Variants in VWA8 observed in about 807,000 individuals in gnomAD.
VWA8 encodes von Willebrand factor A domain-containing protein 8.
A neutral mutation model predicts 241.5 loss-of-function variants in VWA8; 221 were observed. The observed-to-expected ratio is 0.91, with a 90% CI of 0.82 to 1.02. The LOEUF is 1.02. VWA8 is among the 50% of genes least tolerant of loss of function. The pLI is 0.00. For missense variants in VWA8, 2,322 were observed against 2,328.7 expected, an observed-to-expected ratio of 1.00 and a Z score of 0.06; for synonymous variants, 852 against 827.1, an observed-to-expected ratio of 1.03 and a Z score of -0.52.
At chr13:41,715,024 A>T (rs9566829) in intron 26 of VWA8, among the ~76,000 whole-genome samples, 48,453 of 151,668 alleles carry the variant, frequency 0.32, 8,831 homozygotes, top group Non-Finnish European at 0.42. Flanking sequence ...TTAATATTAC[A>T]TATAGCCCAG....
In VWA8 at chr13:41,729,567, T is replaced by C; in HGVS notation, c.2613A>G (p.Leu871=). The C allele has an allele frequency of 6.2e-7, 1 of 1,612,626 alleles. No homozygotes were observed. Among genetic ancestry groups the C allele is most frequent in the Non-Finnish European group, 8.5e-7 (1 of 1,179,344 alleles). ...TTGCAACAATGCGTCTTCCATCTGCTAGAATCATTTCTCCATTTTCTACTA... is the reference window on the plus strand; with the variant it reads ...TTGCAACAATGCGTCTTCCATCTGCCAGAATCATTTCTCCATTTTCTACTA... The part of the protein sequence containing the change: ...KTLVENGEMI[L]ADGRRIVANS... Residue 871 remains leucine, a synonymous_variant, in exon 23 of 45, where the codon CTA becomes CTG. Coordinates refer to ENST00000379310, the MANE Select transcript of VWA8 (RefSeq NM_015058.2).
intron 1 of VWA8, among the ~76,000 whole-genome samples, chr13:41,959,879 A>ATT (rs1425127392): frequency 6.6e-6 from 1 of 152,134 alleles, no homozygotes; most frequent in Non-Finnish European, 1.5e-5. Flanking sequence ...AAGTGCTGGG[A>ATT]TTACAGGCGT....
chr13:41,604,525 C>T (rs1373016616), intron 40 of VWA8, among the ~76,000 whole-genome samples: 3 of 151,698 alleles, frequency 2.0e-5, no homozygotes, highest in Non-Finnish European at 2.9e-5. Context: ...TTCTAATCCC[C>T]AATACTTAGC....
chr13:41,748,639 T>C (rs2045629110), intron 21 of VWA8, among the ~76,000 whole-genome samples: 1 of 152,202 alleles, frequency 6.6e-6, no homozygotes, highest in Non-Finnish European at 1.5e-5. Flanking sequence ...TGCCTTCTGA[T>C]GGTACTGGTA....
At chr13:41,702,780 A>C (rs552205580) in intron 27 of VWA8, among the ~76,000 whole-genome samples, 9 of 152,332 alleles carry the variant, frequency 5.9e-5, no homozygotes, top group Non-Finnish European at 1.3e-4. Flanking sequence ...CAGGGATGAC[A>C]GCAGAAGCAG....
intron 32 of VWA8, 79 bp downstream of exon 32, chr13:41,691,241 A>AACAGT: frequency 2.7e-6 from 4 of 1,497,494 alleles, no homozygotes; most frequent in Non-Finnish European, 3.6e-6. Context: ...GGAAAGACAG[A>AACAGT]ACAGTAAAGA....
intron 43 of VWA8, among the ~76,000 whole-genome samples, chr13:41,573,356 C>T (rs1384478169): frequency 4.7e-5 from 7 of 149,006 alleles, no homozygotes; most frequent in Admixed American, 6.7e-5. Context: ...AGGAGGAGGT[C>T]GTAGCGGGCC....
At chr13:41,781,892 T>G (rs1868903399) in intron 19 of VWA8, among the ~76,000 whole-genome samples, 1 of 152,180 alleles carries the variant, frequency 6.6e-6, no homozygotes, top group South Asian at 2.1e-4. Context: ...AAAACACGTT[T>G]TAAAAGTCCA....
intron 12 of VWA8, among the ~76,000 whole-genome samples, chr13:41,842,832 A>G (rs1016547995): frequency 1.3e-5 from 2 of 152,210 alleles, no homozygotes; most frequent in Non-Finnish European, 2.9e-5. Flanking sequence ...TTCATGAACC[A>G]GGTTCCACCA....
intron 41 of VWA8, among the ~76,000 whole-genome samples, chr13:41,588,856 T>C (rs1309467683): frequency 6.6e-6 from 1 of 152,102 alleles, no homozygotes; most frequent in African/African-American, 2.4e-5. Context: ...AGTGTAATGG[T>C]TTGAGGCAAA....
intron 4 of VWA8, among the ~76,000 whole-genome samples, chr13:41,896,745 AATG>A (rs1875127592): frequency 1.3e-5 from 2 of 152,208 alleles, no homozygotes; most frequent in Admixed American, 6.5e-5. Flanking sequence ...ATTAAAAAAG[AATG>A]ATAATATCCA....
At chr13:41,667,338 T>G (rs1437371974) in intron 37 of VWA8, among the ~76,000 whole-genome samples, 1 of 152,214 alleles carries the variant, frequency 6.6e-6, no homozygotes, top group African/African-American at 2.4e-5. Flanking sequence ...ATAAATTAGT[T>G]ATCTTTTCCA....
intron 2 of VWA8, among the ~76,000 whole-genome samples, chr13:41,928,845 AAG>A: frequency 6.6e-6 from 1 of 152,156 alleles, no homozygotes. Context: ...GGAAAAAAAA[AAG>A]AGAAGACTCA....
intron 10 of VWA8, 127 bp from the exon 11 acceptor site, chr13:41,866,163 T>A (rs958151276): frequency 7.5e-6 from 9 of 1,205,378 alleles, no homozygotes; most frequent in Non-Finnish European, 1.0e-5. Context: ...GCCTGGCCAA[T>A]ATGGTGAAAC....
intron 3 of VWA8, among the ~76,000 whole-genome samples, chr13:41,910,625 G>A (rs1875950022): frequency 6.6e-6 from 1 of 151,286 alleles, no homozygotes; most frequent in Admixed American, 6.6e-5. Flanking sequence ...AATGGCTCTA[G>A]ATCTGTAATT....
intron 3 of VWA8, among the ~76,000 whole-genome samples, chr13:41,911,522 G>C (rs1386898041): frequency 6.6e-6 from 1 of 152,212 alleles, no homozygotes; most frequent in Non-Finnish European, 1.5e-5. Context: ...GATAAAGCTT[G>C]AGTGAGTTAT....
chr13:41,830,242 CAAAA>C (rs1305339760), intron 14 of VWA8, among the ~76,000 whole-genome samples: 1 of 52,546 alleles, frequency 1.9e-5, no homozygotes. Context: ...GACTCTGTCT[CAAAA>C]AAAAAAAAAA....
At chr13:41,695,686 T>C (rs2045211666) in intron 29 of VWA8, among the ~76,000 whole-genome samples, 1 of 152,098 alleles carries the variant, frequency 6.6e-6, no homozygotes, top group African/African-American at 2.4e-5. Context: ...GCAGGTCTGC[T>C]CAGGGTTCCG....
chr13:41,791,463 T>C (rs1869459164), intron 17 of VWA8, among the ~76,000 whole-genome samples: 1 of 151,884 alleles, frequency 6.6e-6, no homozygotes, highest in Non-Finnish European at 1.5e-5. Context: ...ATTAAAGAGA[T>C]TATAGAAAAT....
Sources: gnomAD v4.1 joint callset for allele counts (sites outside exome capture counted in the v4.1 genomes callset) on GRCh38, gnomAD v4.1.1 for gene constraint, MANE v1.5 for transcripts, NCBI Gene and HGNC (gene_info 2026-07-23, HGNC 2026-07-21) for gene names.